Variants in PPP2R2B observed in about 807,000 individuals in gnomAD.
The protein encoded by PPP2R2B is protein phosphatase 2 regulatory subunit Bbeta.
Under a neutral mutation model 46.0 loss-of-function variants are expected in PPP2R2B, and 5 were observed. That is an observed-to-expected ratio of 0.11 (90% CI 0.06 to 0.23). The LOEUF is 0.23. PPP2R2B is among the 10% of genes least tolerant of loss of function. PPP2R2B has a pLI of 1.00. For synonymous variants in PPP2R2B, 215 were observed against 206.7 expected (o/e 1.04, Z -0.34); for missense variants, 367 against 575.0 (o/e 0.64, Z 3.70).
At chr5:146,724,315 GT>G (rs112692780) in intron 2 of PPP2R2B, among the ~76,000 whole-genome samples, 36,452 of 147,434 alleles carry the variant, frequency 0.25, 4,903 homozygotes, top group East Asian at 0.38. Flanking sequence ...ACTGTCATAG[GT>G]TTTTTTTTTT....
At chr5:146,801,977 G>A (rs1756895875) in intron 2 of PPP2R2B, among the ~76,000 whole-genome samples, 1 of 152,188 alleles carries the variant, frequency 6.6e-6, no homozygotes, top group Admixed American at 6.5e-5. Context: ...AATCAATGGG[G>A]TAATTCTGTT....
In PPP2R2B at chr5:146,832,376, A is replaced by AAT. The variant is rs1362394590; in HGVS notation, c.70+45624_70+45625dup. Among the ~76,000 whole-genome samples the AAT allele has an allele frequency of 1.8e-3, 203 of 114,334 alleles. 6 individuals carry two copies. Among genetic ancestry groups the AAT allele is most frequent in the African/African-American group, 3.5e-3 (108 of 30,668 alleles). The allele number at this position is 114,334 out of a possible 152,430, so 75.0% of individuals were successfully genotyped here. ...CTACACAAGTAAGTGTGCCATTTTT[A>AAT]ATCTTTTTTTTTTTTTTTTTTTTTT... On this transcript the variant is annotated intron_variant, in intron 2 of 9. Transcript: ENST00000394411.
intron 1 of PPP2R2B, among the ~76,000 whole-genome samples, chr5:147,000,127 C>A (rs1754100237): frequency 6.6e-6 from 1 of 152,142 alleles, no homozygotes; most frequent in South Asian, 2.1e-4. Context: ...GATAACAATC[C>A]TGTTTCTATT....
intron 1 of PPP2R2B, among the ~76,000 whole-genome samples, chr5:147,018,121 C>G (rs554374558): frequency 6.6e-6 from 1 of 151,410 alleles, no homozygotes; most frequent in African/African-American, 2.4e-5. Context: ...GTCAAAAATG[C>G]TAAGAGGCTG....
chr5:146,806,798 T>A (rs903806133), intron 2 of PPP2R2B, among the ~76,000 whole-genome samples: 1 of 152,226 alleles, frequency 6.6e-6, no homozygotes, highest in Non-Finnish European at 1.5e-5. Context: ...CATGACAGAA[T>A]GTCGTTTTGC....
At chr5:146,824,693 T>G (rs1156287664) in intron 2 of PPP2R2B, among the ~76,000 whole-genome samples, 2 of 151,940 alleles carry the variant, frequency 1.3e-5, no homozygotes, top group Non-Finnish European at 1.5e-5. Context: ...AATAATTAAT[T>G]AAGCCTCTCT....
At chr5:146,702,536 G>C (rs1042118760) in intron 2 of PPP2R2B, among the ~76,000 whole-genome samples, 2 of 152,222 alleles carry the variant, frequency 1.3e-5, no homozygotes, top group African/African-American at 4.8e-5. Context: ...GGGGCAAGAG[G>C]CTATTCAGCT....
At chr5:146,732,262 AT>A (rs1752277326) in intron 2 of PPP2R2B, among the ~76,000 whole-genome samples, 1 of 152,242 alleles carries the variant, frequency 6.6e-6, no homozygotes, top group East Asian at 1.9e-4. Context: ...AGAAAACAGC[AT>A]TTCTAATGCA....
chr5:146,601,547 AG>A (rs1771789821), intron 7 of PPP2R2B, among the ~76,000 whole-genome samples: 1 of 152,212 alleles, frequency 6.6e-6, no homozygotes, highest in African/African-American at 2.4e-5. Context: ...TCCTGTCTTC[AG>A]AAAAGGAAGA....
Position 147,019,629 on chromosome 5 carries a change from A to G in PPP2R2B, c.79+36036T>C, listed in dbSNP as rs183001043. ...TAAAAAGTCTATCTATTACTTTGAAAGAGGATATGTTAAAAGCACAGAGTG... is the reference window on the plus strand; with the variant it reads ...TAAAAAGTCTATCTATTACTTTGAAGGAGGATATGTTAAAAGCACAGAGTG... On this transcript the variant is annotated intron_variant, in intron 1 of 8. Coordinates refer to the PPP2R2B transcript ENST00000336640. 3.3e-5 allele frequency among the ~76,000 whole-genome samples: 5 copies of G among 152,226 alleles called. No individual in the cohort carries two copies. The East Asian group carries it at 9.7e-4, about 29-fold the overall frequency.
At chr5:146,992,216 G>A (rs1045494924) in intron 1 of PPP2R2B, among the ~76,000 whole-genome samples, 2 of 152,122 alleles carry the variant, frequency 1.3e-5, no homozygotes, top group Non-Finnish European at 2.9e-5. Flanking sequence ...ACATATTCAT[G>A]TATAGTCAAT....
Position 146,590,347 on chromosome 5 carries a change from A to C in PPP2R2B, c.1053-121T>G, listed in dbSNP as rs914101516. 7.9e-6 allele frequency: 8 copies of C among 1,006,688 alleles called. No individual in the cohort carries two copies. In the African/African-American group the frequency reaches 1.4e-4, roughly 17 times the overall value. The allele number at this position is 1,006,688 out of a possible 1,614,324, so 62.4% of individuals were successfully genotyped here. A position where few individuals can be genotyped will look rare whatever the true frequency, so the allele number is the denominator to read the frequency against. On this transcript the variant is annotated intron_variant, in intron 9 of 9. Transcript: ENST00000394411. ...GTTTTATTAAAAACAAAAACCAAAA[A>C]ATGAGAACAGGCTCTGCAGTGTGAT...
In PPP2R2B at chr5:146,701,213, C is replaced by A. The variant is rs1312687155; in HGVS notation, c.71-71G>T. The A allele has an allele frequency of 3.9e-6, 5 of 1,272,638 alleles. No homozygotes were observed. The South Asian group carries it at 5.9e-5, about 15-fold the overall frequency. The allele number at this position is 1,272,638 out of a possible 1,614,324, so 78.8% of individuals were successfully genotyped here. On this transcript the variant is annotated intron_variant, in intron 2 of 9. Coordinates refer to ENST00000394411, the MANE Select transcript of PPP2R2B (RefSeq NM_181675.4). Reference sequence around the variant, plus strand: ...TTTGAAAGGATAGATAATAGATATACTTTTCTGTGCATTTAAGGGCTTAGG... The same window carrying A: ...TTTGAAAGGATAGATAATAGATATAATTTTCTGTGCATTTAAGGGCTTAGG...
At chr5:146,913,742 C>A (rs1206556802) in intron 1 of PPP2R2B, among the ~76,000 whole-genome samples, 1 of 152,116 alleles carries the variant, frequency 6.6e-6, no homozygotes. Context: ...ACATTGATTG[C>A]TGCCCAATCA....
intron 2 of PPP2R2B, among the ~76,000 whole-genome samples, chr5:146,793,461 A>G (rs1396109626): frequency 6.6e-6 from 1 of 152,210 alleles, no homozygotes; most frequent in Non-Finnish European, 1.5e-5. Flanking sequence ...TGTACATAAC[A>G]GTGGATCCAA....
chr5:146,706,029 G>A (rs1779820306), intron 2 of PPP2R2B, among the ~76,000 whole-genome samples: 1 of 151,980 alleles, frequency 6.6e-6, no homozygotes, highest in Admixed American at 6.6e-5. Flanking sequence ...TTTGTGGCTG[G>A]AGGCATGGGC....
chr5:147,072,975 A>G (rs1757647465), intron 2 of PPP2R2B, among the ~76,000 whole-genome samples: 1 of 151,882 alleles, frequency 6.6e-6, no homozygotes, highest in Non-Finnish European at 1.5e-5. Flanking sequence ...TGGGTGACTT[A>G]CTCTTTTTCT....
intron 5 of PPP2R2B, among the ~76,000 whole-genome samples, chr5:146,663,817 CAATTT>C (rs1776816649): frequency 6.6e-6 from 1 of 151,780 alleles, no homozygotes; most frequent in African/African-American, 2.4e-5. Flanking sequence ...GTGGCTGTTG[CAATTT>C]ATTTTATTTT....
intron 3 of PPP2R2B, among the ~76,000 whole-genome samples, chr5:146,698,380 T>C (rs1439287256): frequency 7.1e-6 from 1 of 140,268 alleles, no homozygotes; most frequent in Non-Finnish European, 1.5e-5. Flanking sequence ...ACACATGAAC[T>C]TCTGTACTAT....
Sources: allele counts gnomAD v4.1 joint callset (sites outside exome capture counted in the v4.1 genomes callset), GRCh38; gene constraint gnomAD v4.1.1; transcripts MANE v1.5; gene names NCBI Gene and HGNC (gene_info 2026-07-23, HGNC 2026-07-21).